The following LAMB3 variants were observed in gnomAD, a reference collection of about 807,000 sequenced individuals.
The protein encoded by LAMB3 is laminin subunit beta-3.
In LAMB3, 104 loss-of-function variants were observed where a neutral mutation model predicts 140.3. The ratio of observed to expected loss-of-function variants is 0.74; its 90% CI spans 0.63 to 0.87. The LOEUF (loss-of-function observed/expected upper bound fraction) is 0.87, where lower values mean the gene tolerates loss of function less well. Ranked by LOEUF, LAMB3 falls within the 40% of genes least tolerant of loss-of-function variation. The pLI, the probability that LAMB3 is intolerant of heterozygous loss-of-function variation, is 0.00. For missense variants in LAMB3, 1,531 were observed against 1,575.2 expected (o/e 0.97, Z 0.47); for synonymous variants, 592 against 602.9 (o/e 0.98, Z 0.26).
chr1:209,632,579 T>C lies in LAMB3; in HGVS notation c.822+4A>G, dbSNP rs1196802311. 6.2e-7 allele frequency: 1 copy of C among 1,613,032 alleles called. No homozygotes were observed. The highest frequency in any genetic ancestry group is 2.2e-5 in the East Asian group (1 of 44,872). On this transcript the variant is annotated splice_donor_region_variant and intron_variant, in intron 8 of 22. Coordinates refer to ENST00000356082, the MANE Select transcript of LAMB3 (RefSeq NM_000228.3). Reference sequence around the variant, plus strand: ...CCTCTCCCCTTCCCACCCTAGGCTGTTACCTGCACAGCGGTGGAGGGGCCT... The same window carrying C: ...CCTCTCCCCTTCCCACCCTAGGCTGCTACCTGCACAGCGGTGGAGGGGCCT...
At chr1:209,637,826 G>A in intron 5 of LAMB3, 82 bp downstream of exon 5, 1 of 1,104,334 alleles carries the variant, frequency 9.1e-7, no homozygotes, top group Non-Finnish European at 1.4e-6. Context: ...AGAGAGACAA[G>A]GACACTGTGC....
chr1:209,639,476 A>T (rs1399563928), intron 3 of LAMB3, among the ~76,000 whole-genome samples: 1 of 152,168 alleles, frequency 6.6e-6, no homozygotes, highest in Admixed American at 6.5e-5. Flanking sequence ...AACCTGGCCT[A>T]CGCTTATCTC....
chr1:209,642,183 T>C (rs2076474535), intron 3 of LAMB3, among the ~76,000 whole-genome samples: 1 of 152,220 alleles, frequency 6.6e-6, no homozygotes. Flanking sequence ...GATTATATTA[T>C]GTTTTATGAA....
At chr1:209,632,239 A>G (rs186855664) in intron 8 of LAMB3, among the ~76,000 whole-genome samples, 3 of 152,356 alleles carry the variant, frequency 2.0e-5, no homozygotes, top group East Asian at 3.9e-4. Context: ...CAATCATAAA[A>G]TTAGAATATC....
rs374988953 is a variant in LAMB3, at chr1:209,634,624, G to A, written c.387C>T (p.Ala129=). 86 of 1,613,216 alleles carry A rather than the reference G, an allele frequency of 5.3e-5. 1 individual carries two copies. The African/African-American group carries it at 8.0e-4, about 15-fold the overall frequency. ...CTGAGGAGCGCTCAATCAGCATGCC[G>A]GCGGGCATGGGCCCCTGTGGAGACA... ...VMMEFQGPMP[A]GMLIERSSDF... The change falls in exon 6 of 23, where the codon GCC becomes GCT. Residue 129 remains alanine, a synonymous_variant. Coordinates refer to ENST00000356082, the MANE Select transcript of LAMB3 (RefSeq NM_000228.3).
intron 18 of LAMB3, 128 bp from the exon 19 acceptor site, chr1:209,618,787 C>T: frequency 1.2e-6 from 1 of 839,852 alleles, no homozygotes; most frequent in Non-Finnish European, 1.9e-6. Context: ...TCCCAAGGAG[C>T]TGCTGCCCCC....
intron 2 of LAMB3, 23 bp from the exon 3 acceptor site, chr1:209,650,141 T>A (rs180936068): frequency 6.2e-7 from 1 of 1,606,292 alleles, no homozygotes; most frequent in Non-Finnish European, 8.5e-7. Flanking sequence ...GGATGTGTGA[T>A]GGAGCAGTCC....
chr1:209,626,444 T>C (rs1158478733), intron 13 of LAMB3, among the ~76,000 whole-genome samples: 1 of 152,174 alleles, frequency 6.6e-6, no homozygotes, highest in Admixed American at 6.5e-5. Flanking sequence ...GACCACAATC[T>C]GGTCTGCACA....
intron 6 of LAMB3, 125 bp downstream of exon 6, chr1:209,634,322 G>C (rs1666810621): frequency 1.0e-6 from 1 of 970,506 alleles, no homozygotes; most frequent in South Asian, 1.4e-5. Flanking sequence ...GGGAATTCAG[G>C]AAAGTCAGCA....
chr1:209,616,741 GCCC>G, intron 21 of LAMB3, 117 bp from the exon 22 acceptor site: 1 of 946,672 alleles, frequency 1.1e-6, no homozygotes. Context: ...CCTCCTATTA[GCCC>G]CCAATAGCAT....
intron 14 of LAMB3, 65 bp from the exon 15 acceptor site, chr1:209,624,065 C>A (rs374012406): frequency 5.6e-6 from 8 of 1,439,418 alleles, no homozygotes; most frequent in Middle Eastern, 2.4e-4. Context: ...AAGCAGCTAT[C>A]CCCTCAGAGC....
chr1:209,625,935 G>C lies in LAMB3; in HGVS notation c.1689C>G (p.Arg563=). 1 of 1,613,828 alleles carries C rather than the reference G, an allele frequency of 6.2e-7. No individual in the cohort carries two copies. The highest frequency in any genetic ancestry group is 8.5e-7 in the Non-Finnish European group (1 of 1,179,894). Residue 563 remains arginine, a synonymous_variant, in exon 14 of 23, where the codon CGC becomes CGG. Coordinates refer to ENST00000356082, the MANE Select transcript of LAMB3 (RefSeq NM_000228.3). ...CLCRPGLTGP[R]CDQCQRGYCN... is the part of the protein sequence containing the mutation. ...AGTAGCCTCGCTGGCACTGGTCACA[G>C]CGGGGCCCGGTCAAGCCAGGGCGGC...
At chr1:209,631,571 C>T (rs1666693268) in intron 8 of LAMB3, among the ~76,000 whole-genome samples, 1 of 152,212 alleles carries the variant, frequency 6.6e-6, no homozygotes, top group African/African-American at 2.4e-5. Flanking sequence ...AGACCCAATT[C>T]ACTCTGAATC....
intron 3 of LAMB3, among the ~76,000 whole-genome samples, chr1:209,643,078 C>T (rs1433126438): frequency 2.0e-5 from 3 of 152,186 alleles, no homozygotes; most frequent in Non-Finnish European, 2.9e-5. Context: ...ACAGGCAAGA[C>T]AGGTATTTTA....
chr1:209,634,358 T>C (rs1666812392), intron 6 of LAMB3, 89 bp downstream of exon 6: 1 of 1,377,004 alleles, frequency 7.3e-7, no homozygotes, highest in Non-Finnish European at 1.0e-6. Flanking sequence ...GGTGTTTCCG[T>C]CCCTTCTCAG....
chr1:209,624,932 A>AAGGAAGGAAGGAAGGG (rs1558152725), intron 14 of LAMB3, among the ~76,000 whole-genome samples: 2 of 148,798 alleles, frequency 1.3e-5, no homozygotes, highest in Non-Finnish European at 3.0e-5. Flanking sequence ...GGAAGGAAGG[A>AAGGAAGGAAGGAAGGG]AGGAAAAAAA....
rs774189639 is a variant in LAMB3, at chr1:209,622,530, G to A, written c.2701+6C>T. 9.3e-6 allele frequency: 15 copies of A among 1,613,472 alleles called. No individual in the cohort carries two copies. The Admixed American group carries it at 2.5e-4, about 27-fold the overall frequency. ...GCAGCCAAGGTGGGGTGGAGACTGGGCTCACCTGTTAGGAAGTCCCGGACC... is the reference window on the plus strand; with the variant it reads ...GCAGCCAAGGTGGGGTGGAGACTGGACTCACCTGTTAGGAAGTCCCGGACC... On this transcript the variant is annotated splice_donor_region_variant and intron_variant, in intron 18 of 22. Transcript: ENST00000356082.
chr1:209,622,071 A>T (rs1666215978), intron 18 of LAMB3, among the ~76,000 whole-genome samples: 1 of 152,208 alleles, frequency 6.6e-6, no homozygotes, highest in Non-Finnish European at 1.5e-5. Context: ...TGGAAAGAGG[A>T]CTTCAGGCAG....
intron 3 of LAMB3, among the ~76,000 whole-genome samples, chr1:209,647,145 A>T (rs1489387767): frequency 6.6e-6 from 1 of 152,274 alleles, no homozygotes; most frequent in Non-Finnish European, 1.5e-5. Flanking sequence ...AAAGCTGGCC[A>T]AGACCTATGT....
Sources: allele counts gnomAD v4.1 joint callset (sites outside exome capture counted in the v4.1 genomes callset), GRCh38; gene constraint gnomAD v4.1.1; transcripts MANE v1.5; gene names NCBI Gene and HGNC (gene_info 2026-07-23, HGNC 2026-07-21).